The following ZNF527 variants were observed in gnomAD, a reference collection of about 807,000 sequenced individuals.
The protein encoded by ZNF527 is zinc finger protein 527.
In ZNF527, 5 loss-of-function variants were observed where a neutral mutation model predicts 13.5. That is an observed-to-expected ratio of 0.37 (90% CI 0.19 to 0.78). The LOEUF (loss-of-function observed/expected upper bound fraction) is 0.78, where lower values mean the gene tolerates loss of function less well. Among genes scored for constraint, ZNF527 ranks in the 30% least tolerant of loss-of-function variants. ZNF527 has a pLI of 0.48. For synonymous variants in ZNF527, 209 were observed against 243.1 expected, an observed-to-expected ratio of 0.86 and a Z score of 1.30; for missense variants, 628 against 726.4, an observed-to-expected ratio of 0.86 and a Z score of 1.56.
In ZNF527 at chr19:37,389,566, C is replaced by A; in HGVS notation, c.1517C>A (p.Ala506Asp). ...RPFECSKCGK[A>D]FSDALVLIHH... is the part of the protein sequence containing the mutation. ...TTTGAATGCAGTAAATGTGGGAAAGCCTTCAGTGATGCTTTAGTTCTAATT... is the reference window on the plus strand; with the variant it reads ...TTTGAATGCAGTAAATGTGGGAAAGACTTCAGTGATGCTTTAGTTCTAATT... The change falls in exon 5 of 5, where the codon GCC becomes GAC. Residue 506 changes from alanine (A) to aspartate (D), a missense_variant. This residue lies in a region of ZNF527 where 592 missense variants were observed against 678.0 expected (regional missense o/e 0.87). Transcript: ENST00000436120. 1 of 1,614,110 alleles carries A rather than the reference C, an allele frequency of 6.2e-7. No individual in the cohort carries two copies. The highest frequency in any genetic ancestry group is 1.1e-5 in the South Asian group (1 of 91,086).
At chr19:37,380,246 C>G (rs1244295173) in intron 3 of ZNF527, 31 bp from the exon 4 acceptor site, 1 of 1,612,504 alleles carries the variant, frequency 6.2e-7, no homozygotes, top group Admixed American at 1.7e-5. Flanking sequence ...CTTTCTGTCT[C>G]TTGCTCTCAT....
At chr19:37,373,499 A>T (rs2040575484) in intron 1 of ZNF527, among the ~76,000 whole-genome samples, 1 of 152,228 alleles carries the variant, frequency 6.6e-6, no homozygotes, top group Non-Finnish European at 1.5e-5. Context: ...ATTAGAATAC[A>T]CCTGTGAACC....
chr19:37,384,404 A>G (rs1378223301), intron 4 of ZNF527, among the ~76,000 whole-genome samples: 2 of 152,102 alleles, frequency 1.3e-5, no homozygotes, highest in African/African-American at 4.8e-5. Flanking sequence ...AGACTGAGGT[A>G]GGAGGGTCAC....
chr19:37,382,326 T>C (rs2040661227), intron 4 of ZNF527, among the ~76,000 whole-genome samples: 1 of 151,298 alleles, frequency 6.6e-6, no homozygotes, highest in South Asian at 2.1e-4. Flanking sequence ...GATAGATAGA[T>C]AGATATTTAC....
Position 37,389,737 on chromosome 19 carries a change from T to C in ZNF527, c.1688T>C (p.Phe563Ser). Residue 563 changes from phenylalanine to serine, a missense_variant, in exon 5 of 5, where the codon TTT becomes TCT. By Grantham distance (155) the Phe-to-Ser change is radical (BLOSUM62 -2). This residue lies in a region of ZNF527 where 592 missense variants were observed against 678.0 expected (regional missense o/e 0.87). Coordinates refer to ENST00000436120, the MANE Select transcript of ZNF527 (RefSeq NM_032453.2). ...PYECSECGKA[F>S]HQILSLRLHQ... ...GAATGTAGTGAATGTGGGAAGGCTT[T>C]TCATCAGATCTTGTCCCTAAGACTA... The C allele has an allele frequency of 2.5e-6, 4 of 1,613,954 alleles. No homozygotes were observed. The highest frequency in any genetic ancestry group is 3.4e-6 in the Non-Finnish European group (4 of 1,180,022).
chr19:37,379,318 C>A, intron 3 of ZNF527, 72 bp downstream of exon 3: 1 of 1,469,466 alleles, frequency 6.8e-7, no homozygotes, highest in Non-Finnish European at 9.1e-7. Context: ...TTGAGAATAT[C>A]TAGGACATCT....
At position 37,388,877 on chromosome 19, in the gene ZNF527, C is replaced by A; in HGVS notation, c.828C>A (p.Tyr276Ter). ...ATTTTGGAAAATTACCCCATGGATA[C>A]GATGAATGTGGTGATGCCTTTAGCT... ...TTHFGKLPHG[Y>*]DECGDAFSCY... The change falls in exon 5 of 5, where the codon TAC becomes TAA. Residue 276 changes from tyrosine (Y) to a stop codon, truncating the protein, a stop_gained. Transcript: ENST00000436120. LOFTEE classifies it low-confidence loss of function (END_TRUNC). The A allele has an allele frequency of 1.3e-5, 21 of 1,614,144 alleles. No individual in the cohort carries two copies. The highest frequency in any genetic ancestry group is 1.8e-5 in the Non-Finnish European group (21 of 1,180,022).
chr19:37,386,807 G>C (rs576349644), intron 4 of ZNF527, among the ~76,000 whole-genome samples: 11 of 152,328 alleles, frequency 7.2e-5, no homozygotes, highest in African/African-American at 2.4e-4. Context: ...TTTGCCTGGA[G>C]TAAAGACTTA....
chr19:37,373,156 AGGAT>A (rs1481217764), intron 1 of ZNF527, among the ~76,000 whole-genome samples: 3 of 152,194 alleles, frequency 2.0e-5, no homozygotes, highest in South Asian at 2.1e-4. Context: ...AGTAGTTCTG[AGGAT>A]TAAATGAGAT....
At chr19:37,378,842 G>A (rs2146810247) in intron 2 of ZNF527, among the ~76,000 whole-genome samples, 1 of 152,202 alleles carries the variant, frequency 6.6e-6, no homozygotes, top group South Asian at 2.1e-4. Flanking sequence ...TTTATACTTA[G>A]CATATGTAAC....
chr19:37,376,111 G>A (rs934171705), intron 2 of ZNF527, among the ~76,000 whole-genome samples: 7 of 152,032 alleles, frequency 4.6e-5, no homozygotes, highest in South Asian at 2.1e-4. Context: ...CGGGACCATC[G>A]CCTGAGCCCA....
At chr19:37,385,488 G>A (rs1349572711) in intron 4 of ZNF527, 1 of 396,392 alleles carries the variant, frequency 2.5e-6, no homozygotes. Context: ...GTGGAAGAAA[G>A]GTATAAAATG....
intron 1 of ZNF527, among the ~76,000 whole-genome samples, chr19:37,372,443 C>CTTTCT (rs201310158): frequency 1.3e-3 from 170 of 131,526 alleles, no homozygotes; most frequent in South Asian, 2.0e-3. Flanking sequence ...ACAGTTGTCC[C>CTTTCT]TTTCTTTTCT....
intron 1 of ZNF527, among the ~76,000 whole-genome samples, chr19:37,372,703 T>G (rs256736): frequency 0.39 from 58,781 of 151,520 alleles, 11,972 homozygotes; most frequent in African/African-American, 0.51. Context: ...GAATTCCTAG[T>G]CTCAAGTGAT....
chr19:37,387,638 C>A (rs541246800), intron 4 of ZNF527, among the ~76,000 whole-genome samples: 1 of 152,324 alleles, frequency 6.6e-6, no homozygotes, highest in East Asian at 1.9e-4. Flanking sequence ...AATATCCTCT[C>A]CTGAAAGTAT....
chr19:37,379,460 CTT>C (rs34967980), intron 3 of ZNF527: 2,176 of 160,338 alleles, frequency 0.014, no homozygotes, highest in South Asian at 0.028. Context: ...GAAGTAATTT[CTT>C]TTTTTTTTTT....
intron 4 of ZNF527, chr19:37,385,375 A>G (rs1194242112): frequency 7.5e-6 from 3 of 399,714 alleles, no homozygotes; most frequent in Non-Finnish European, 1.3e-5. Context: ...CAGGTTTTTA[A>G]TGCTGTAAGT....
chr19:37,386,416 A>G (rs533547996), intron 4 of ZNF527, among the ~76,000 whole-genome samples: 3 of 152,252 alleles, frequency 2.0e-5, no homozygotes, highest in Admixed American at 6.5e-5. Flanking sequence ...TGTTGGGATT[A>G]CAGGCGGGAA....
intron 1 of ZNF527, among the ~76,000 whole-genome samples, chr19:37,373,611 G>GA (rs2040576382): frequency 6.6e-6 from 1 of 152,066 alleles, no homozygotes; most frequent in African/African-American, 2.4e-5. Context: ...TAAATGCTGA[G>GA]AAAAAAATAA....
Sources: allele counts gnomAD v4.1 joint callset (sites outside exome capture counted in the v4.1 genomes callset), GRCh38; gene constraint gnomAD v4.1.1; regional missense constraint gnomAD v4.1.1; transcripts MANE v1.5; gene names NCBI Gene and HGNC (gene_info 2026-07-23, HGNC 2026-07-21).